The following ETFB variants were observed in gnomAD, a reference collection of about 807,000 sequenced individuals.
ETFB encodes beta-ETF.
A neutral mutation model predicts 25.6 loss-of-function variants in ETFB; 20 were observed. The ratio of observed to expected loss-of-function variants is 0.78; its 90% confidence interval spans 0.55 to 1.14. The LOEUF is 1.14. Among genes scored for constraint, ETFB ranks in the 50% most tolerant of loss-of-function variants. The probability of loss-of-function intolerance (pLI) is 0.00; values close to 1 mark genes in which losing one functional copy is unlikely to be tolerated. For synonymous variants in ETFB, 142 were observed against 146.7 expected, an observed-to-expected ratio of 0.97 and a Z score of 0.23; for missense variants, 286 against 342.6, an observed-to-expected ratio of 0.83 and a Z score of 1.30.
chr19:51,350,159 G>A (rs1985896720), intron 4 of ETFB, 170 bp downstream of exon 4: 2 of 699,766 alleles, frequency 2.9e-6, no homozygotes, highest in African/African-American at 1.8e-5. Context: ...CCTTTGAAGA[G>A]GTGATACCTC....
Position 51,347,049 on chromosome 19 carries a change from C to T in ETFB, c.448G>A (p.Ala150Thr), listed in dbSNP as rs760351587. ...TCCCCCTCCAGCGTCACCTGGGAGGCGAATGTGCCCTGGGGAGGGACAGTG... is the reference window on the plus strand; with the variant it reads ...TCCCCCTCCAGCGTCACCTGGGAGGTGAATGTGCCCTGGGGAGGGACAGTG... ...GFLDWPQGTFASQVTLEGDKL... is the reference protein window; with the variant it reads ...GFLDWPQGTFTSQVTLEGDKL... Residue 150 changes from alanine (A) to threonine (T), a missense_variant, in exon 5 of 6, where the codon GCC (alanine) becomes ACC (threonine). Transcript: ENST00000309244. 1.9e-5 allele frequency: 31 copies of T among 1,613,868 alleles called. No homozygotes were observed. Among genetic ancestry groups the T allele is most frequent in the African/African-American group, 2.7e-5 (2 of 74,914 alleles).
chr19:51,350,464 CAG>C (rs1599840555), intron 3 of ETFB, 73 bp from the exon 4 acceptor site: 2 of 805,704 alleles, frequency 2.5e-6, no homozygotes, highest in East Asian at 5.1e-5. Flanking sequence ...CTGTCTAGAA[CAG>C]GGGTTGGCAA....
chr19:51,361,496 A>AG lies in ETFB; in HGVS notation c.57+4773dup, dbSNP rs547151052. ...TGTCAGACAAGGTGGCCTTGCTGAG[A>AG]GCAGGAGGGGCAAGTGCGTGGAGCC... On this transcript the variant is annotated intron_variant, in intron 1 of 5. Transcript: ENST00000309244. 1.1e-4 allele frequency among the ~76,000 whole-genome samples: 16 copies of AG among 152,240 alleles called. No individual in the cohort carries two copies. In the South Asian group the frequency reaches 3.3e-3, roughly 32 times the overall value.
intron 3 of ETFB, among the ~76,000 whole-genome samples, chr19:51,351,748 GCA>G (rs1027375293): frequency 6.6e-6 from 1 of 152,154 alleles, no homozygotes; most frequent in Non-Finnish European, 1.5e-5. Context: ...TCAGGGCTGG[GCA>G]GGACACCCAG....
At chr19:51,360,461 C>T (rs1016360695) in intron 1 of ETFB, among the ~76,000 whole-genome samples, 19 of 151,660 alleles carry the variant, frequency 1.3e-4, no homozygotes, top group Admixed American at 4.6e-4. Context: ...CCCATGCAGA[C>T]AACGAGTCAA....
chr19:51,363,125 G>A (rs1986271372), intron 1 of ETFB, among the ~76,000 whole-genome samples: 1 of 152,126 alleles, frequency 6.6e-6, no homozygotes, highest in Non-Finnish European at 1.5e-5. Flanking sequence ...TGGGGCCTGT[G>A]ATTTTAAGGA....
chr19:51,358,041 G>A (rs904193747), intron 1 of ETFB, among the ~76,000 whole-genome samples: 1 of 152,158 alleles, frequency 6.6e-6, no homozygotes, highest in Non-Finnish European at 1.5e-5. Flanking sequence ...CCGGGAAGAC[G>A]GCGAGTTTGG....
At chr19:51,353,830 GGCCCCATCC>G in intron 2 of ETFB, among the ~76,000 whole-genome samples, 1 of 43,144 alleles carries the variant, frequency 2.3e-5, no homozygotes, top group Non-Finnish European at 4.4e-5. Context: ...AGGAGTCCAG[GGCCCCATCC>G]CCTCCTTCCT....
intron 1 of ETFB, chr19:51,354,789 T>G: frequency 1.2e-6 from 1 of 818,088 alleles, no homozygotes; most frequent in Non-Finnish European, 1.9e-6. Context: ...CAGGCAACAA[T>G]AGAGCAGCCT....
chr19:51,347,351 A>C lies in ETFB; in HGVS notation c.439-293T>G, dbSNP rs1024753359. 11 of 373,436 alleles carry C rather than the reference A, an allele frequency of 2.9e-5. No individual in the cohort carries two copies. In the Middle Eastern group the frequency reaches 2.3e-3, roughly 76 times the overall value. The allele number at this position is 373,436 out of a possible 1,614,324, so 23.1% of individuals were successfully genotyped here. On this transcript the variant is annotated intron_variant, in intron 4 of 5. Transcript: ENST00000309244. ...CTGAGTGCTGAGCCCTGTGCTAAGC[A>C]ACTGATGTATCAAGTCATCGAATCC... is the stretch of plus-strand genomic sequence containing the variant.
intron 1 of ETFB, among the ~76,000 whole-genome samples, chr19:51,363,123 G>A (rs1362416871): frequency 6.6e-6 from 1 of 152,144 alleles, no homozygotes; most frequent in East Asian, 1.9e-4. Context: ...CCTGGGGCCT[G>A]TGATTTTAAG....
chr19:51,349,215 TTAAGAA>T (rs1385233484), intron 4 of ETFB, among the ~76,000 whole-genome samples: 1 of 152,342 alleles, frequency 6.6e-6, no homozygotes, highest in African/African-American at 2.4e-5. Flanking sequence ...ATTTGGTAGA[TTAAGAA>T]TATTAAATGC....
chr19:51,354,294 A>G lies in ETFB; in HGVS notation c.72T>C (p.Pro24=), dbSNP rs1356364252. The G allele has an allele frequency of 6.2e-7, 1 of 1,614,200 alleles. No homozygotes were observed. Among genetic ancestry groups the G allele is most frequent in the Admixed American group, 1.7e-5 (1 of 60,022 alleles). Residue 24 remains proline (P), a synonymous_variant, in exon 2 of 6, where the codon CCT becomes CCC. Transcript: ENST00000309244. ...IDYAVKIRVK[P]DRTGVVTDGV... is the part of the protein sequence containing the mutation. Reference sequence around the variant, plus strand: ...CATCCGTGACCACACCGGTCCTGTCAGGCTTCACTCGGATCTGCCCAGCAG... The same window carrying G: ...CATCCGTGACCACACCGGTCCTGTCGGGCTTCACTCGGATCTGCCCAGCAG...
At chr19:51,350,447 C>T in intron 3 of ETFB, 56 bp from the exon 4 acceptor site, 1 of 936,402 alleles carries the variant, frequency 1.1e-6, no homozygotes, top group Non-Finnish European at 1.7e-6. Flanking sequence ...ATGGACCATT[C>T]AGGCCTCTGT....
At chr19:51,348,668 TAACTC>T (rs58644350) in intron 4 of ETFB, 131,576 of 151,514 alleles carry the variant, frequency 0.87, 57,687 homozygotes, top group African/African-American at 0.94. Flanking sequence ...TGTAGGTAAA[TAACTC>T]AACGAAGCTG....
chr19:51,357,711 G>A (rs560420600), intron 1 of ETFB, among the ~76,000 whole-genome samples: 7 of 152,056 alleles, frequency 4.6e-5, no homozygotes, highest in South Asian at 4.2e-4. Context: ...GGCTGGTCTC[G>A]AACTCCCGAT....
intron 1 of ETFB, chr19:51,356,436 G>GGATGTCAT (rs1986082183): frequency 2.0e-5 from 3 of 152,142 alleles, no homozygotes; most frequent in Admixed American, 2.0e-4. Context: ...CCCTCTGCCT[G>GGATGTCAT]GATGTCATGA....
At chr19:51,350,276 G>A in intron 4 of ETFB, 53 bp downstream of exon 4, 3 of 1,579,636 alleles carry the variant, frequency 1.9e-6, no homozygotes, top group Non-Finnish European at 2.6e-6. Flanking sequence ...CAGAAATGAA[G>A]TTTGAGGGAT....
chr19:51,366,286 A>G lies in ETFB; in HGVS notation c.41T>C (p.Ile14Thr). 2 of 1,613,962 alleles carry G rather than the reference A, an allele frequency of 1.2e-6. No individual in the cohort carries two copies. The highest frequency in any genetic ancestry group is 1.7e-6 in the Non-Finnish European group (2 of 1,180,016). The change falls in exon 1 of 6, where the codon ATC (isoleucine) becomes ACC (threonine). Residue 14 changes from isoleucine (I) to threonine (T), a missense_variant. Ile to Thr is a moderately conservative substitution (Grantham distance 89, BLOSUM62 -1). Transcript: ENST00000309244. ...LRVLVAVKRV[I>T]DYAVKIRVKP... ...CCCGATCACCTTCACGGCGTAGTCGATGACCCTCTTGACAGCTACGAGCAC... is the reference window on the plus strand; with the variant it reads ...CCCGATCACCTTCACGGCGTAGTCGGTGACCCTCTTGACAGCTACGAGCAC...
Sources: allele counts gnomAD v4.1 joint callset (sites outside exome capture counted in the v4.1 genomes callset), GRCh38; gene constraint gnomAD v4.1.1; transcripts MANE v1.5; gene names NCBI Gene and HGNC (gene_info 2026-07-23, HGNC 2026-07-21).